AP1B1: variants seen among roughly 807,000 people sequenced by gnomAD.
AP1B1 encodes AP-1 complex subunit beta-1.
Under a neutral mutation model 104.3 loss-of-function variants are expected in AP1B1, and 36 were observed. The ratio of observed to expected loss-of-function variants is 0.35; its 90% confidence interval spans 0.26 to 0.46. The LOEUF (loss-of-function observed/expected upper bound fraction) is 0.46. AP1B1 is among the 20% of genes least tolerant of loss of function. The pLI, the probability that AP1B1 is intolerant of heterozygous loss-of-function variation, is 1.00. For synonymous variants in AP1B1, 504 were observed against 517.5 expected (o/e 0.97, Z 0.35); for missense variants, 901 against 1,247.9 (o/e 0.72, Z 4.19).
intron 15 of AP1B1, 21 bp from the exon 16 acceptor site, chr22:29,339,154 T>A: frequency 6.2e-7 from 1 of 1,613,532 alleles, no homozygotes; most frequent in Non-Finnish European, 8.5e-7. Context: ...AGGGAAAGAG[T>A]CAGAGGTGGG....
chr22:29,340,565 C>G, intron 14 of AP1B1, 91 bp downstream of exon 14: 1 of 1,299,904 alleles, frequency 7.7e-7, no homozygotes, highest in East Asian at 2.5e-5. Flanking sequence ...GTACCTGAGG[C>G]ACTCAGCTGG....
At chr22:29,335,969 C>G (rs2061632240) in intron 16 of AP1B1, among the ~76,000 whole-genome samples, 1 of 152,228 alleles carries the variant, frequency 6.6e-6, no homozygotes, top group Admixed American at 6.5e-5. Context: ...GCCCCCCAAT[C>G]AGGCCTCCTT....
rs774286427 is a variant in AP1B1 at position 29,354,853 on chromosome 22, G to A, written c.735C>T (p.Thr245=). 3 of 1,614,028 alleles carry A rather than the reference G, an allele frequency of 1.9e-6. No individual in the cohort carries two copies. The highest frequency in any genetic ancestry group is 2.2e-5 in the South Asian group (2 of 91,070). Residue 245 remains threonine, a synonymous_variant, in exon 7 of 23, where the codon ACC becomes ACT. Transcript: ENST00000357586. Reference sequence around the variant, plus strand: ...CGGAGTTGGCATGGGAGAGCCTGGGGGTGACCCGCTCACAGATGCTGGGGT... The same window carrying A: ...CGGAGTTGGCATGGGAGAGCCTGGGAGTGACCCGCTCACAGATGCTGGGGT... The part of the protein sequence containing the change: ...REAQSICERV[T]PRLSHANSAV...
In AP1B1 at chr22:29,374,219, T is replaced by TA. The variant is rs1450044489; in HGVS notation, c.-27-6950dup. Among the ~76,000 whole-genome samples the TA allele has an allele frequency of 3.3e-5, 5 of 151,978 alleles. No individual in the cohort carries two copies. In the East Asian group the frequency reaches 9.7e-4, roughly 29 times the overall value. ...TCTGTCTAAAAAAAAATTTTGTTTT[T>TA]AAAAAAATAACAAAATAAAACTCAA... is the stretch of plus-strand genomic sequence containing the variant. On this transcript the variant is annotated intron_variant, in intron 1 of 22. Transcript: ENST00000357586.
At chr22:29,332,515 GAAGGT>G (rs2061576381) in intron 17 of AP1B1, among the ~76,000 whole-genome samples, 2 of 152,238 alleles carry the variant, frequency 1.3e-5, no homozygotes, top group African/African-American at 4.8e-5. Context: ...CAGGCTCTTG[GAAGGT>G]AAGTCACAGG....
At chr22:29,333,821 T>C (rs764934877) in intron 17 of AP1B1, among the ~76,000 whole-genome samples, 12 of 152,140 alleles carry the variant, frequency 7.9e-5, no homozygotes, top group Non-Finnish European at 7.4e-5. Context: ...CCCAGCACTT[T>C]GGGAGGCCGA....
chr22:29,351,356 T>C, intron 8 of AP1B1, 90 bp from the exon 9 acceptor site: 1 of 1,376,288 alleles, frequency 7.3e-7, no homozygotes, highest in Non-Finnish European at 1.0e-6. Context: ...ACAGACTCCC[T>C]AGGAGAATGG....
At chr22:29,330,188 T>G in intron 21 of AP1B1, 190 bp downstream of exon 21, 1 of 1,448,134 alleles carries the variant, frequency 6.9e-7, no homozygotes, top group Non-Finnish European at 9.1e-7. Context: ...ACCCAATTGG[T>G]GTCTTATCTG....
chr22:29,357,982 G>A (rs758952697), intron 5 of AP1B1, among the ~76,000 whole-genome samples: 3 of 152,168 alleles, frequency 2.0e-5, no homozygotes, highest in Non-Finnish European at 4.4e-5. Context: ...CACTGCACCC[G>A]GCCCAGGCAG....
intron 1 of AP1B1, among the ~76,000 whole-genome samples, chr22:29,380,641 G>A (rs533187405): frequency 2.6e-5 from 4 of 152,114 alleles, no homozygotes; most frequent in South Asian, 2.1e-4. Context: ...TAAATCTATC[G>A]GCAAATCCTA....
In AP1B1 at chr22:29,328,733, TC is replaced by T; in HGVS notation, c.*87del. The T allele has an allele frequency of 6.7e-7, 1 of 1,491,006 alleles. No homozygotes were observed. The highest frequency in any genetic ancestry group is 9.0e-7 in the Non-Finnish European group (1 of 1,106,272). The allele number at this position is 1,491,006 out of a possible 1,614,324, so 92.4% of individuals were successfully genotyped here. ...CTGAGTGGCCTGGAGCCCCGCCTGG[TC>T]CCTCCTGCGAGGAGGAAGATGTGCT... On this transcript the variant is annotated 3_prime_UTR_variant, in exon 23 of 23. Transcript: ENST00000357586. This position sits in a 1 kb window ranked among gnomAD's most constrained non-coding sequence, Gnocchi z 4.1.
At chr22:29,364,117 G>A (rs186143606) in intron 2 of AP1B1, among the ~76,000 whole-genome samples, 504 of 152,310 alleles carry the variant, frequency 3.3e-3, no homozygotes, top group Non-Finnish European at 5.7e-3. Flanking sequence ...TAAGGCTTGC[G>A]GGGTGAGAGC....
rs546440317 is a variant in AP1B1 at position 29,357,669 on chromosome 22, C to T, written c.526-1053G>A. On this transcript the variant is annotated intron_variant, in intron 5 of 22. Transcript: ENST00000357586. Reference sequence around the variant, plus strand: ...GCATGTAATCCTGTATGAGCCACTGCGCGCGGCCTCAGGCAGCTGTTTTTT... The same window carrying T: ...GCATGTAATCCTGTATGAGCCACTGTGCGCGGCCTCAGGCAGCTGTTTTTT... 6.7e-5 allele frequency among the ~76,000 whole-genome samples: 10 copies of T among 149,922 alleles called. No individual in the cohort carries two copies. In the South Asian group the frequency reaches 1.5e-3, roughly 22 times the overall value.
At position 29,330,289 on chromosome 22, in the gene AP1B1, G is replaced by A. The variant is rs141763376; in HGVS notation, c.2766+89C>T. 390 of 1,580,334 alleles carry A rather than the reference G, an allele frequency of 2.5e-4. 1 individual carries two copies. The Middle Eastern group carries it at 5.0e-3, about 20-fold the overall frequency. ...TAGTTCAAGCCAGGCTTGAAGGGAC[G>A]CTTGGACCGCGTCCTCCACCAGGGC... On this transcript the variant is annotated intron_variant, in intron 21 of 22. Transcript: ENST00000357586.
chr22:29,327,927 A>C lies in AP1B1; in HGVS notation c.*894T>G, dbSNP rs2061502911. 6.6e-6 allele frequency: 1 copy of C among 152,560 alleles called. No homozygotes were observed. Among genetic ancestry groups the C allele is most frequent in the South Asian group, 2.1e-4 (1 of 4,822 alleles). 9.5% of individuals were successfully genotyped at this position (152,560 alleles called of 1,614,324 possible). The stretch of plus-strand genomic sequence containing the variant: ...AAAACCTAATGCTCTGTCAGACACA[A>C]CTGAAACCTGGGAGGCCAGGAGGAG... On this transcript the variant is annotated 3_prime_UTR_variant, in exon 23 of 23. Transcript: ENST00000357586.
At chr22:29,338,911 G>C (rs2061674132) in intron 16 of AP1B1, 79 bp downstream of exon 16, 1 of 1,574,924 alleles carries the variant, frequency 6.3e-7, no homozygotes, top group South Asian at 1.2e-5. Context: ...TTCCACAGCC[G>C]AGGCCATTTA....
chr22:29,360,088 T>A (rs1332475129), intron 3 of AP1B1, 129 bp from the exon 4 acceptor site: 1 of 1,011,556 alleles, frequency 9.9e-7, no homozygotes, highest in African/African-American at 1.6e-5. Flanking sequence ...GACTTCCTGG[T>A]AAAAGGGAGG....
chr22:29,345,225 A>ATT (rs1287658728), intron 11 of AP1B1, among the ~76,000 whole-genome samples: 3 of 133,876 alleles, frequency 2.2e-5, no homozygotes, highest in African/African-American at 2.8e-5. Flanking sequence ...CACCCAGTTC[A>ATT]TTTTTTTTTT....
chr22:29,358,829 G>A lies in AP1B1; in HGVS notation c.422C>T (p.Ala141Val), dbSNP rs2061999907. The change falls in exon 5 of 23, where the codon GCA becomes GTA. Residue 141 changes from alanine (A) to valine (V), a missense_variant. This residue lies in a region of AP1B1 where 471 missense variants were observed against 696.7 expected (regional missense o/e 0.68). Coordinates refer to ENST00000357586, the MANE Select transcript of AP1B1 (RefSeq NM_001127.4). The stretch of plus-strand genomic sequence containing the variant: ...GTGGAGCTTGGCCACGCACACAGCT[G>A]CTGTCTTGCGCACATATGGATCCTC... ...KDEDPYVRKT[A>V]AVCVAKLHDI... 1.2e-6 allele frequency: 2 copies of A among 1,614,250 alleles called. No individual in the cohort carries two copies. Among genetic ancestry groups the A allele is most frequent in the East Asian group, 2.2e-5 (1 of 44,878 alleles).
Sources: allele counts gnomAD v4.1 joint callset (sites outside exome capture counted in the v4.1 genomes callset), GRCh38; gene constraint gnomAD v4.1.1; regional missense constraint gnomAD v4.1.1; non-coding constraint Gnocchi (gnomAD v3.1); transcripts MANE v1.5; gene names NCBI Gene and HGNC (gene_info 2026-07-23, HGNC 2026-07-21).